The following FOXN3 variants were observed in gnomAD, a reference collection of about 807,000 sequenced individuals.
FOXN3 encodes the protein forkhead box N3, also known as forkhead box protein N3.
Under a neutral mutation model 38.4 loss-of-function variants are expected in FOXN3, and 7 were observed. That is an observed-to-expected ratio of 0.18 (90% confidence interval 0.10 to 0.34). The LOEUF is 0.34. FOXN3 is among the 10% of genes least tolerant of loss of function. The pLI, the probability that FOXN3 is intolerant of heterozygous loss-of-function variation, is 1.00. For missense variants in FOXN3, 456 were observed against 613.4 expected (o/e 0.74, Z 2.71); for synonymous variants, 230 against 242.2 (o/e 0.95, Z 0.47).
chr14:89,357,463 C>T (rs1489234694), intron 2 of FOXN3, among the ~76,000 whole-genome samples: 3 of 152,080 alleles, frequency 2.0e-5, no homozygotes, highest in Admixed American at 6.5e-5. Context: ...AAAAAATTAG[C>T]CGGGCACGGT....
intron 1 of FOXN3, among the ~76,000 whole-genome samples, chr14:89,601,584 T>A (rs183408971): frequency 6.6e-6 from 1 of 152,194 alleles, no homozygotes; most frequent in Non-Finnish European, 1.5e-5. Context: ...CAGGGTGATA[T>A]TGAGGCCAAT....
intron 4 of FOXN3, among the ~76,000 whole-genome samples, chr14:89,199,749 A>G (rs1888188148): frequency 6.6e-6 from 1 of 152,058 alleles, no homozygotes; most frequent in South Asian, 2.1e-4. Context: ...CTAAAAATTC[A>G]AAAAATTAGC....
intron 4 of FOXN3, among the ~76,000 whole-genome samples, chr14:89,215,544 C>A (rs1367826364): frequency 4.6e-5 from 7 of 152,162 alleles, no homozygotes; most frequent in Non-Finnish European, 8.8e-5. Context: ...ATGCATCCGA[C>A]CACATTGAAT....
intron 4 of FOXN3, among the ~76,000 whole-genome samples, chr14:89,219,093 T>C (rs1236116440): frequency 1.3e-5 from 2 of 152,208 alleles, no homozygotes; most frequent in East Asian, 3.8e-4. Context: ...GGCACTGATA[T>C]GGTTTGGCTC....
chr14:89,437,098 G>C (rs1892289376), intron 1 of FOXN3, among the ~76,000 whole-genome samples: 1 of 151,846 alleles, frequency 6.6e-6, no homozygotes, highest in Non-Finnish European at 1.5e-5. Context: ...AGAATCAATT[G>C]AACACGGAAG....
intron 1 of FOXN3, among the ~76,000 whole-genome samples, chr14:89,524,357 G>A (rs1894385478): frequency 1.4e-5 from 1 of 69,644 alleles, no homozygotes; most frequent in Admixed American, 2.8e-4. Flanking sequence ...CCTGGCGACA[G>A]CAAGACTCCA....
In FOXN3 at chr14:89,461,038, A is replaced by AG. The variant is rs1329460625; in HGVS notation, c.-14-48549dup. On this transcript the variant is annotated intron_variant, in intron 1 of 6. Transcript: ENST00000345097. ...AGCGAAACTCCATCTTAAAAAAAAAAGGGGGGGGGAGGGGGCTGGGCGCAG... is the reference window on the plus strand; with the variant it reads ...AGCGAAACTCCATCTTAAAAAAAAAAGGGGGGGGGGAGGGGGCTGGGCGCAG... Among the ~76,000 whole-genome samples, 116 of 88,696 alleles carry AG rather than the reference A, an allele frequency of 1.3e-3. 3 individuals are homozygous for AG. Among genetic ancestry groups the AG allele is most frequent in the African/African-American group, 2.1e-3 (42 of 20,294 alleles). 58.2% of individuals were successfully genotyped at this position (88,696 alleles called of 152,430 possible).
chr14:89,180,710 G>A lies in FOXN3; in HGVS notation c.842C>T (p.Ala281Val), dbSNP rs761828615. ...PLPITPIGVT[A>V]AMRNGITSCR... is the part of the protein sequence containing the mutation. ...CGCACTCCCCACTTACCTCATGGCC[G>A]CTGTCACCCCAATGGGAGTGATTGG... The change falls in exon 5 of 6, where the codon GCG becomes GTG. Residue 281 changes from alanine to valine, a missense_variant. By Grantham distance (64) the Ala-to-Val change is moderately conservative. This residue lies in a region of FOXN3 where 386 missense variants were observed against 505.2 expected (regional missense o/e 0.76). Transcript: ENST00000557258. 3.9e-5 allele frequency: 63 copies of A among 1,606,628 alleles called. No individual in the cohort carries two copies. In the Middle Eastern group the frequency reaches 6.9e-4, roughly 18 times the overall value.
chr14:89,355,829 C>T (rs774716497), intron 2 of FOXN3, among the ~76,000 whole-genome samples: 96 of 151,994 alleles, frequency 6.3e-4, no homozygotes, highest in Non-Finnish European at 1.0e-3. Context: ...TGTGTTTTTT[C>T]CCCCTTCTCA....
intron 1 of FOXN3, among the ~76,000 whole-genome samples, chr14:89,498,650 A>T (rs1488906269): frequency 6.6e-6 from 1 of 152,154 alleles, no homozygotes; most frequent in African/African-American, 2.4e-5. Context: ...GGATTTGGTC[A>T]CGCTACTGTT....
chr14:89,358,437 A>G (rs1228996435), intron 2 of FOXN3, among the ~76,000 whole-genome samples: 1 of 152,150 alleles, frequency 6.6e-6, no homozygotes, highest in Non-Finnish European at 1.5e-5. Context: ...GAAGACCCCC[A>G]TTGGGGGATA....
chr14:89,386,099 G>A lies in FOXN3; in HGVS notation c.543+25835C>T, dbSNP rs889850149. On this transcript the variant is annotated intron_variant, in intron 2 of 5. Transcript: ENST00000557258. ...GTAGGTTTGACACGCAAATGCCTTC[G>A]CTGACAGCAAACAGCTCAGAGGATG... Among the ~76,000 whole-genome samples, 6 of 152,300 alleles carry A rather than the reference G, an allele frequency of 3.9e-5. No homozygotes were observed. In the East Asian group the frequency reaches 9.6e-4, roughly 24 times the overall value.
rs1005431937 is a variant in FOXN3 at position 89,335,968 on chromosome 14, C to A, written c.680+14704G>T. Among the ~76,000 whole-genome samples, 60 of 152,064 alleles carry A rather than the reference C, an allele frequency of 3.9e-4. 1 individual carries two copies. The highest frequency in any genetic ancestry group is 6.8e-3 in the Middle Eastern group (2 of 294). ...TTAAGAGGAACAAAACAAGAGGAAA[C>A]CCTCATTTGCTCTAAGAAGAATTCA... On this transcript the variant is annotated intron_variant, in intron 3 of 5. Coordinates refer to ENST00000557258, the MANE Select transcript of FOXN3 (RefSeq NM_005197.4).
rs868700905 is a variant in FOXN3 at position 89,568,506 on chromosome 14, G to A, written c.-15+50522C>T. Among the ~76,000 whole-genome samples the A allele has an allele frequency of 3.3e-5, 5 of 152,294 alleles. 1 individual carries two copies. The Middle Eastern group carries it at 0.01, about 311-fold the overall frequency. The stretch of plus-strand genomic sequence containing the variant: ...TTTGCACAGGCTCTGCCCTCAGCAC[G>A]GAAGCCCTTTCCACCATGTGCACAG... On this transcript the variant is annotated intron_variant, in intron 1 of 6. Transcript: ENST00000345097.
chr14:89,332,318 A>T (rs1011166872), intron 3 of FOXN3, among the ~76,000 whole-genome samples: 1 of 152,222 alleles, frequency 6.6e-6, no homozygotes, highest in African/African-American at 2.4e-5. Flanking sequence ...CATATATTTT[A>T]ATAACAGACT....
intron 1 of FOXN3, among the ~76,000 whole-genome samples, chr14:89,565,654 T>C (rs1895334040): frequency 6.6e-6 from 1 of 152,130 alleles, no homozygotes; most frequent in African/African-American, 2.4e-5. Flanking sequence ...GTCTCATATC[T>C]ACCAAAGGGG....
intron 4 of FOXN3, among the ~76,000 whole-genome samples, chr14:89,275,921 T>C (rs1886286799): frequency 6.6e-6 from 1 of 152,194 alleles, no homozygotes; most frequent in African/African-American, 2.4e-5. Flanking sequence ...AATCCTCCTC[T>C]GTGAGCTGAA....
At chr14:89,244,326 C>T (rs904488945) in intron 4 of FOXN3, among the ~76,000 whole-genome samples, 3 of 152,178 alleles carry the variant, frequency 2.0e-5, no homozygotes, top group African/African-American at 7.2e-5. Flanking sequence ...AAATATTTCC[C>T]CGTCTAAGCC....
chr14:89,204,469 T>C (rs1888324828), intron 4 of FOXN3, among the ~76,000 whole-genome samples: 1 of 152,030 alleles, frequency 6.6e-6, no homozygotes, highest in Admixed American at 6.5e-5. Context: ...CTCCGAAAAA[T>C]AGACTAGGAA....
Sources: gnomAD v4.1 joint callset for allele counts (sites outside exome capture counted in the v4.1 genomes callset) on GRCh38, gnomAD v4.1.1 for gene constraint, gnomAD v4.1.1 regional missense constraint, MANE v1.5 for transcripts, NCBI Gene and HGNC (gene_info 2026-07-23, HGNC 2026-07-21) for gene names.